The following KIRREL3 variants were observed in gnomAD, a reference collection of about 807,000 sequenced individuals.
KIRREL3 encodes the protein kirre like nephrin family adhesion molecule 3.
In KIRREL3, 36 loss-of-function variants were observed where a neutral mutation model predicts 89.7. The observed-to-expected ratio is 0.40, with a 90% CI of 0.31 to 0.53. The LOEUF is 0.53. Among genes scored for constraint, KIRREL3 ranks in the 20% least tolerant of loss-of-function variants. The pLI is 0.49. For missense variants in KIRREL3, 864 were observed against 1,056.6 expected, an observed-to-expected ratio of 0.82 and a Z score of 2.53; for synonymous variants, 445 against 441.4, an observed-to-expected ratio of 1.01 and a Z score of -0.10.
At position 126,424,937 on chromosome 11, in the gene KIRREL3, G is replaced by A; in HGVS notation, c.1980C>T (p.Asp660=). The stretch of plus-strand genomic sequence containing the variant: ...CACGCTGCTTGCCCGCAGGACGCAG[G>A]TCGGGCTGGCAGCTGGAGAGGGAGA... ...PTISLSSCQP[D]LRPAGKQRVP... The change falls in exon 17 of 17, where the codon GAC becomes GAT. Residue 660 remains aspartate, a synonymous_variant. Transcript: ENST00000525144. 1 of 1,600,442 alleles carries A rather than the reference G, an allele frequency of 6.2e-7. No individual in the cohort carries two copies. Among genetic ancestry groups the A allele is most frequent in the Non-Finnish European group, 8.5e-7 (1 of 1,170,170 alleles).
Position 126,569,741 on chromosome 11 carries a change from G to A in KIRREL3, c.56-6829C>T, listed in dbSNP as rs1365987326. Among the ~76,000 whole-genome samples, 1 of 152,146 alleles carries A rather than the reference G, an allele frequency of 6.6e-6. No homozygotes were observed. The highest frequency in any genetic ancestry group is 2.4e-5 in the African/African-American group (1 of 41,414). ...TTCAGGCTGTGGGATGGTGAGGGAGGTCCTTGCAAAAGGCCTTGAAAGCTG... is the reference window on the plus strand; with the variant it reads ...TTCAGGCTGTGGGATGGTGAGGGAGATCCTTGCAAAAGGCCTTGAAAGCTG... On this transcript the variant is annotated intron_variant, in intron 1 of 16. Transcript: ENST00000525144. This position sits in a 1 kb window ranked among gnomAD's most constrained non-coding sequence, Gnocchi z 6.5.
chr11:126,995,068 C>G lies in KIRREL3; in HGVS notation c.55+5387G>C. Reference sequence around the variant, plus strand: ...AACTGGAAATAAAAATCCCACTCTACTTGGAATACAGGATGAAGCGATTAC... The same window carrying G: ...AACTGGAAATAAAAATCCCACTCTAGTTGGAATACAGGATGAAGCGATTAC... On this transcript the variant is annotated intron_variant, in intron 1 of 16. Transcript: ENST00000525144. This position sits in a 1 kb window ranked among gnomAD's most constrained non-coding sequence, Gnocchi z 6.5. 2.6e-6 allele frequency: 1 copy of G among 388,510 alleles called. No homozygotes were observed. Among genetic ancestry groups the G allele is most frequent in the South Asian group, 1.9e-5 (1 of 52,662 alleles). The allele number at this position is 388,510 out of a possible 1,614,324, so 24.1% of individuals were successfully genotyped here.
Position 126,558,070 on chromosome 11 carries a change from C to A in KIRREL3, c.133+4765G>T, listed in dbSNP as rs962295342. Among the ~76,000 whole-genome samples, 5 of 152,216 alleles carry A rather than the reference C, an allele frequency of 3.3e-5. No homozygotes were observed. The highest frequency in any genetic ancestry group is 9.6e-5 in the African/African-American group (4 of 41,452). ...TTGCAATGCTGAAAGTCCACGGAAACCGACACCCACCCTGATGGGCAGCCC... is the reference window on the plus strand; with the variant it reads ...TTGCAATGCTGAAAGTCCACGGAAAACGACACCCACCCTGATGGGCAGCCC... On this transcript the variant is annotated intron_variant, in intron 2 of 16. Transcript: ENST00000525144. The surrounding 1 kb of genome is among the most constrained non-coding windows in gnomAD (Gnocchi z 4.0).
chr11:126,899,276 T>C (rs890156622), intron 1 of KIRREL3, among the ~76,000 whole-genome samples: 1 of 152,304 alleles, frequency 6.6e-6, no homozygotes, highest in East Asian at 1.9e-4. Context: ...CTGAATGCTT[T>C]ATAGCCTTTC....
chr11:126,459,150 G>T lies in KIRREL3; in HGVS notation c.743-2696C>A, dbSNP rs1956468111. Among the ~76,000 whole-genome samples, 2 of 152,282 alleles carry T rather than the reference G, an allele frequency of 1.3e-5. No homozygotes were observed. Among genetic ancestry groups the T allele is most frequent in the South Asian group, 4.2e-4 (2 of 4,818 alleles). ...GGACGTGAGTACCCACCCCAAGTCT[G>T]GTTTGAGGAGGTGAGTGCCAGTCCC... On this transcript the variant is annotated intron_variant, in intron 6 of 16. Transcript: ENST00000525144. The surrounding 1 kb of genome is among the most constrained non-coding windows in gnomAD (Gnocchi z 4.8).
At chr11:126,911,391 T>C (rs987347307) in intron 1 of KIRREL3, among the ~76,000 whole-genome samples, 1 of 152,214 alleles carries the variant, frequency 6.6e-6, no homozygotes, top group Non-Finnish European at 1.5e-5. Context: ...GTGCATCTGC[T>C]GGTGAAGTCT....
At chr11:126,632,863 G>A (rs1159559039) in intron 1 of KIRREL3, among the ~76,000 whole-genome samples, 8 of 148,236 alleles carry the variant, frequency 5.4e-5, no homozygotes, top group African/African-American at 2.0e-4. Context: ...AGGCCGAGGT[G>A]GGCAGATCAC....
At position 126,527,604 on chromosome 11, in the gene KIRREL3, G is replaced by A. The variant is rs1474079304; in HGVS notation, c.134-917C>T. Among the ~76,000 whole-genome samples, 1 of 152,218 alleles carries A rather than the reference G, an allele frequency of 6.6e-6. No homozygotes were observed. The highest frequency in any genetic ancestry group is 2.4e-5 in the African/African-American group (1 of 41,450). On this transcript the variant is annotated intron_variant, in intron 2 of 16. Transcript: ENST00000525144. This position sits in a 1 kb window ranked among gnomAD's most constrained non-coding sequence, Gnocchi z 4.2. ...AAAAATAGTAATGGGAGCTGTGCTT[G>A]TGAATTGCTCACCAAGTACGGCGCA...
chr11:126,495,513 G>A lies in KIRREL3; in HGVS notation c.434-22047C>T, dbSNP rs1447130340. ...GTTTCTGGTTGTGGCTGTTGTGTGTGTGGACGTGTTGCTAGGAATGAGGGC... is the reference window on the plus strand; with the variant it reads ...GTTTCTGGTTGTGGCTGTTGTGTGTATGGACGTGTTGCTAGGAATGAGGGC... On this transcript the variant is annotated intron_variant, in intron 4 of 16. Transcript: ENST00000525144. This position sits in a 1 kb window ranked among gnomAD's most constrained non-coding sequence, Gnocchi z 6.5. Among the ~76,000 whole-genome samples the A allele has an allele frequency of 1.3e-5, 2 of 152,144 alleles. No individual in the cohort carries two copies. The highest frequency in any genetic ancestry group is 4.8e-5 in the African/African-American group (2 of 41,426).
In KIRREL3 at chr11:126,985,405, A is replaced by G. The variant is rs578222999; in HGVS notation, c.55+15050T>C. On this transcript the variant is annotated intron_variant, in intron 1 of 16. Coordinates refer to ENST00000525144, the MANE Select transcript of KIRREL3 (RefSeq NM_032531.4). The surrounding 1 kb of genome is among the most constrained non-coding windows in gnomAD (Gnocchi z 5.3). ...AATATGGAAGGGAAGGCGGACCAGAAACACTCCATGTGGATAAATCATAGT... is the reference window on the plus strand; with the variant it reads ...AATATGGAAGGGAAGGCGGACCAGAGACACTCCATGTGGATAAATCATAGT... Among the ~76,000 whole-genome samples the G allele has an allele frequency of 6.6e-6, 1 of 152,324 alleles. No individual in the cohort carries two copies. Among genetic ancestry groups the G allele is most frequent in the Admixed American group, 6.5e-5 (1 of 15,304 alleles).
chr11:126,721,371 A>G (rs1219706398), intron 1 of KIRREL3, among the ~76,000 whole-genome samples: 1 of 152,050 alleles, frequency 6.6e-6, no homozygotes, highest in Non-Finnish European at 1.5e-5. Context: ...TCTCTATTAA[A>G]AATACAAAAT....
chr11:126,472,772 TAGG>T (rs1956934989), intron 5 of KIRREL3, among the ~76,000 whole-genome samples: 1 of 139,114 alleles, frequency 7.2e-6, no homozygotes, highest in Non-Finnish European at 1.6e-5. Flanking sequence ...TACAAATGAG[TAGG>T]AGAACCACAG....
rs938809895 is a variant in KIRREL3, at chr11:126,643,660, T to C, written c.56-80748A>G. On this transcript the variant is annotated intron_variant, in intron 1 of 16. Coordinates refer to ENST00000525144, the MANE Select transcript of KIRREL3 (RefSeq NM_032531.4). This position sits in a 1 kb window ranked among gnomAD's most constrained non-coding sequence, Gnocchi z 4.5. Reference sequence around the variant, plus strand: ...TAACTGTGGTTTAGGAAGATCAATGTGGCAACACAATGAGTAGGATTGTAC... The same window carrying C: ...TAACTGTGGTTTAGGAAGATCAATGCGGCAACACAATGAGTAGGATTGTAC... Among the ~76,000 whole-genome samples the C allele has an allele frequency of 6.6e-6, 1 of 152,250 alleles. No individual in the cohort carries two copies. Among genetic ancestry groups the C allele is most frequent in the African/African-American group, 2.4e-5 (1 of 41,466 alleles).
At position 126,836,623 on chromosome 11, in the gene KIRREL3, G is replaced by C. The variant is rs771479692; in HGVS notation, c.55+163832C>G. ...GTGGTAGCAAGAAAGCCAACTTTCT[G>C]TTGTGCATATGACTTGTGGAGAGAA... is the stretch of plus-strand genomic sequence containing the variant. On this transcript the variant is annotated intron_variant, in intron 1 of 16. Coordinates refer to ENST00000525144, the MANE Select transcript of KIRREL3 (RefSeq NM_032531.4). 3.3e-5 allele frequency among the ~76,000 whole-genome samples: 5 copies of C among 152,178 alleles called. 1 individual carries two copies. Among genetic ancestry groups the C allele is most frequent in the African/African-American group, 1.2e-4 (5 of 41,444 alleles).
At chr11:126,626,449 T>G (rs1481128621) in intron 1 of KIRREL3, among the ~76,000 whole-genome samples, 1 of 152,222 alleles carries the variant, frequency 6.6e-6, no homozygotes, top group Non-Finnish European at 1.5e-5. Flanking sequence ...TCAGTCAGAA[T>G]GCACACAGGC....
chr11:126,607,335 T>A lies in KIRREL3; in HGVS notation c.56-44423A>T, dbSNP rs1402513893. 6.6e-6 allele frequency among the ~76,000 whole-genome samples: 1 copy of A among 152,196 alleles called. No individual in the cohort carries two copies. Among genetic ancestry groups the A allele is most frequent in the Non-Finnish European group, 1.5e-5 (1 of 68,038 alleles). ...TTTTGGGCAGACAGAACGGGTTTCT[T>A]ATGGCTGGGGCTGCTTTCTAATGTG... On this transcript the variant is annotated intron_variant, in intron 1 of 16. Transcript: ENST00000525144. This position sits in a 1 kb window ranked among gnomAD's most constrained non-coding sequence, Gnocchi z 6.6.
chr11:126,896,877 T>G lies in KIRREL3; in HGVS notation c.55+103578A>C, dbSNP rs1363995138. ...CCCCCATTCACATATCATCATGTGC[T>G]TCACACGCAGTGGGGATCTTAACAG... On this transcript the variant is annotated intron_variant, in intron 1 of 16. Transcript: ENST00000525144. This position sits in a 1 kb window ranked among gnomAD's most constrained non-coding sequence, Gnocchi z 4.1. Among the ~76,000 whole-genome samples, 1 of 152,170 alleles carries G rather than the reference T, an allele frequency of 6.6e-6. No homozygotes were observed. The highest frequency in any genetic ancestry group is 2.4e-5 in the African/African-American group (1 of 41,442).
Position 126,906,470 on chromosome 11 carries a change from T to G in KIRREL3, c.55+93985A>C, listed in dbSNP as rs937464549. Among the ~76,000 whole-genome samples the G allele has an allele frequency of 6.6e-6, 1 of 152,196 alleles. No homozygotes were observed. The highest frequency in any genetic ancestry group is 1.5e-5 in the Non-Finnish European group (1 of 68,026). ...GAGACATGTTACAGCCCCTACCAGATGGCAAGAACCTTGAACCTTATTTGA... is the reference window on the plus strand; with the variant it reads ...GAGACATGTTACAGCCCCTACCAGAGGGCAAGAACCTTGAACCTTATTTGA... On this transcript the variant is annotated intron_variant, in intron 1 of 16. Coordinates refer to ENST00000525144, the MANE Select transcript of KIRREL3 (RefSeq NM_032531.4). This position sits in a 1 kb window ranked among gnomAD's most constrained non-coding sequence, Gnocchi z 4.1.
At position 126,491,129 on chromosome 11, in the gene KIRREL3, TCCA is replaced by T. The variant is rs1957500668; in HGVS notation, c.434-17666_434-17664del. Among the ~76,000 whole-genome samples, 1 of 152,164 alleles carries T rather than the reference TCCA, an allele frequency of 6.6e-6. No homozygotes were observed. Among genetic ancestry groups the T allele is most frequent in the African/African-American group, 2.4e-5 (1 of 41,432 alleles). ...GAATCCCAAAGACAAGCCCTGAGTC[TCCA>T]GGCCACCACTTTCTACCTGCGTGGA... On this transcript the variant is annotated intron_variant, in intron 4 of 16. Coordinates refer to ENST00000525144, the MANE Select transcript of KIRREL3 (RefSeq NM_032531.4). The surrounding 1 kb of genome is among the most constrained non-coding windows in gnomAD (Gnocchi z 5.5).
Sources: gnomAD v4.1 joint callset for allele counts (sites outside exome capture counted in the v4.1 genomes callset) on GRCh38, gnomAD v4.1.1 for gene constraint, Gnocchi (gnomAD v3.1) non-coding constraint, MANE v1.5 for transcripts, NCBI Gene and HGNC (gene_info 2026-07-23, HGNC 2026-07-21) for gene names.